LUC7L2: variants seen among roughly 807,000 people sequenced by gnomAD.
The protein encoded by LUC7L2 is putative RNA-binding protein Luc7-like 2.
A neutral mutation model predicts 52.8 loss-of-function variants in LUC7L2; 25 were observed. The observed-to-expected ratio is 0.47, with a 90% CI of 0.34 to 0.66. LUC7L2 has a LOEUF of 0.66. LUC7L2 is among the 30% of genes least tolerant of loss of function. The pLI is 0.01. For synonymous variants in LUC7L2, 144 were observed against 160.9 expected (o/e 0.89, Z 0.80); for missense variants, 328 against 497.8 (o/e 0.66, Z 3.25).
chr7:139,407,026 C>A (rs1260665476), intron 5 of LUC7L2, 148 bp from the exon 6 acceptor site: 5 of 114,172 alleles, frequency 4.4e-5, no homozygotes, highest in East Asian at 3.0e-4. Context: ...TTTTTTTGAG[C>A]TGGAGTCTCG....
upstream of LUC7L2, chr7:139,359,804 C>G: frequency 7.4e-6 from 3 of 402,720 alleles, no homozygotes; most frequent in Non-Finnish European, 1.3e-5. Flanking sequence ...TAGGGTGGAA[C>G]TCCACTCGGG....
At chr7:139,393,655 C>T (rs1221344128) in intron 2 of LUC7L2, among the ~76,000 whole-genome samples, 1 of 152,062 alleles carries the variant, frequency 6.6e-6, no homozygotes, top group East Asian at 1.9e-4. Context: ...CCGTGTTGCC[C>T]AGGCTGGTCT....
At chr7:139,411,266 CGTT>C (rs1472994686) in intron 7 of LUC7L2, among the ~76,000 whole-genome samples, 1 of 151,824 alleles carries the variant, frequency 6.6e-6, no homozygotes, top group Non-Finnish European at 1.5e-5. Context: ...AAAAAAAAGT[CGTT>C]GAATCTGTGA....
intron 2 of LUC7L2, among the ~76,000 whole-genome samples, chr7:139,387,171 CT>C (rs1349509213): frequency 9.2e-5 from 14 of 151,872 alleles, no homozygotes; most frequent in Non-Finnish European, 1.9e-4. Flanking sequence ...GTCTCATAAA[CT>C]TTTTTGGCTT....
intron 7 of LUC7L2, among the ~76,000 whole-genome samples, chr7:139,410,192 C>T (rs1585128692): frequency 6.6e-6 from 1 of 150,450 alleles, no homozygotes; most frequent in Non-Finnish European, 1.5e-5. Flanking sequence ...TGGGCGACAG[C>T]GAGACTCTGT....
intron 1 of LUC7L2, chr7:139,374,592 G>C (rs1585087719): frequency 6.6e-7 from 1 of 1,517,116 alleles, no homozygotes; most frequent in East Asian, 2.5e-5. Context: ...ACACTAAACT[G>C]AATATTCCAA....
chr7:139,342,916 T>A (rs1232485585), intron 1 of LUC7L2, among the ~76,000 whole-genome samples: 2 of 152,210 alleles, frequency 1.3e-5, no homozygotes, highest in Non-Finnish European at 2.9e-5. Context: ...GGGAAATGGT[T>A]TCTGTTTCCT....
chr7:139,350,992 T>C (rs1341299029), intron 1 of LUC7L2, among the ~76,000 whole-genome samples: 5 of 152,104 alleles, frequency 3.3e-5, no homozygotes, highest in Admixed American at 6.6e-5. Context: ...TCTGTTTTTT[T>C]CTTACTCTAG....
intron 1 of LUC7L2, among the ~76,000 whole-genome samples, chr7:139,368,643 T>C (rs1585081466): frequency 6.7e-6 from 1 of 149,446 alleles, no homozygotes; most frequent in South Asian, 2.1e-4. Context: ...GAGGCTGAGG[T>C]TGGAGAATTG....
At chr7:139,394,521 G>C (rs902749177) in intron 2 of LUC7L2, among the ~76,000 whole-genome samples, 1 of 152,206 alleles carries the variant, frequency 6.6e-6, no homozygotes, top group Non-Finnish European at 1.5e-5. Context: ...AGTGGAGGCA[G>C]GGAGCCTAGA....
chr7:139,401,373 A>G (rs955737865), intron 3 of LUC7L2, among the ~76,000 whole-genome samples: 1 of 152,030 alleles, frequency 6.6e-6, no homozygotes, highest in Non-Finnish European at 1.5e-5. Context: ...TTCTGTCTTT[A>G]TTTTACAAAA....
chr7:139,375,725 G>A lies in LUC7L2; in HGVS notation c.62-337G>A, dbSNP rs979242256. On this transcript the variant is annotated intron_variant, in intron 1 of 9. Transcript: ENST00000354926. ...TCTGCAAGTTGCTTAACCTCTCGGGGCCTCAGTTTTCTCATCTGCAATATG... is the reference window on the plus strand; with the variant it reads ...TCTGCAAGTTGCTTAACCTCTCGGGACCTCAGTTTTCTCATCTGCAATATG... 2.0e-5 allele frequency: 12 copies of A among 588,114 alleles called. No individual in the cohort carries two copies. In the African/African-American group the frequency reaches 2.2e-4, roughly 11 times the overall value. 36.4% of individuals were successfully genotyped at this position (588,114 alleles called of 1,614,324 possible).
intron 2 of LUC7L2, among the ~76,000 whole-genome samples, chr7:139,387,359 A>T (rs536151952): frequency 1.3e-5 from 2 of 150,780 alleles, no homozygotes; most frequent in South Asian, 4.2e-4. Flanking sequence ...ACGCCTGGCT[A>T]TTTTTTCGTA....
At chr7:139,405,816 C>A (rs775057863) in intron 5 of LUC7L2, 29 bp downstream of exon 5, 2 of 1,567,350 alleles carry the variant, frequency 1.3e-6, no homozygotes, top group Admixed American at 4.1e-5. Context: ...TAGACGAATT[C>A]TGCTTAATTT....
chr7:139,361,454 A>G (rs1799877656), intron 1 of LUC7L2, among the ~76,000 whole-genome samples: 1 of 152,238 alleles, frequency 6.6e-6, no homozygotes, highest in East Asian at 1.9e-4. Flanking sequence ...ATATGAGTAA[A>G]TTTTAAAAAT....
At chr7:139,377,125 A>G (rs1569374213) in intron 2 of LUC7L2, among the ~76,000 whole-genome samples, 1 of 152,242 alleles carries the variant, frequency 6.6e-6, no homozygotes, top group Non-Finnish European at 1.5e-5. Flanking sequence ...ACTACAAAGC[A>G]AGAAATCCAG....
chr7:139,348,402 G>A (rs1376761413), intron 1 of LUC7L2, among the ~76,000 whole-genome samples: 1 of 151,360 alleles, frequency 6.6e-6, no homozygotes, highest in Admixed American at 6.6e-5. Flanking sequence ...CAGTTTTGAA[G>A]TCATATAGAT....
At chr7:139,419,609 T>C (rs954103271) in intron 9 of LUC7L2, among the ~76,000 whole-genome samples, 8 of 152,224 alleles carry the variant, frequency 5.3e-5, no homozygotes, top group Admixed American at 3.3e-4. Flanking sequence ...GTCATTGTTG[T>C]TGCTGAACTC....
upstream of LUC7L2, among the ~76,000 whole-genome samples, chr7:139,354,936 A>G (rs1238820508): frequency 1.3e-5 from 2 of 151,522 alleles, no homozygotes; most frequent in African/African-American, 4.9e-5. Flanking sequence ...GGCTGATTGC[A>G]GTCTTGACCA....
Sources: gnomAD v4.1 joint callset for allele counts (sites outside exome capture counted in the v4.1 genomes callset) on GRCh38, gnomAD v4.1.1 for gene constraint, MANE v1.5 for transcripts, NCBI Gene and HGNC (gene_info 2026-07-23, HGNC 2026-07-21) for gene names.